Variants in CSMD1 observed in about 807,000 individuals in gnomAD.
CSMD1 encodes the protein CUB and Sushi multiple domains 1.
In CSMD1, 213 loss-of-function variants were observed where a neutral mutation model predicts 417.5. That is an observed-to-expected ratio of 0.51 (90% CI 0.46 to 0.57). CSMD1 has a LOEUF of 0.57. Ranked by LOEUF, CSMD1 falls within the 20% of genes least tolerant of loss-of-function variation. CSMD1 has a pLI of 0.00. For missense variants in CSMD1, 6,923 were observed against 4,529.7 expected (o/e 1.53, Z -15.17); for synonymous variants, 2,862 against 1,736.8 (o/e 1.65, Z -16.11).
At chr8:3,695,723 TGGAA>T (rs1250109520) in intron 7 of CSMD1, among the ~76,000 whole-genome samples, 1 of 152,198 alleles carries the variant, frequency 6.6e-6, no homozygotes, top group Non-Finnish European at 1.5e-5. Flanking sequence ...GCAGTTTGGC[TGGAA>T]GGAAGGATGA....
chr8:2,966,841 A>C (rs1488575716), intron 57 of CSMD1, 95 bp from the exon 58 acceptor site: 27 of 1,131,242 alleles, frequency 2.4e-5, no homozygotes, highest in Non-Finnish European at 3.4e-5. Context: ...GCAATAGACT[A>C]CACATTTATT....
chr8:4,609,323 C>A (rs975260256), intron 2 of CSMD1, among the ~76,000 whole-genome samples: 1 of 152,116 alleles, frequency 6.6e-6, no homozygotes, highest in East Asian at 1.9e-4. Flanking sequence ...ATTGCTGGAG[C>A]CTGGGAGGCA....
At chr8:3,283,448 T>C (rs536823843) in intron 26 of CSMD1, among the ~76,000 whole-genome samples, 142 of 152,274 alleles carry the variant, frequency 9.3e-4, no homozygotes, top group African/African-American at 3.4e-3. Flanking sequence ...CGTTTTTTTT[T>C]TTATGTAACT....
intron 3 of CSMD1, among the ~76,000 whole-genome samples, chr8:4,196,441 G>A (rs909907367): frequency 2.0e-5 from 3 of 152,094 alleles, no homozygotes; most frequent in Non-Finnish European, 4.4e-5. Flanking sequence ...CCTTTCTGAA[G>A]CCTCTTAGGG....
At chr8:3,486,796 G>A (rs1486148481) in intron 11 of CSMD1, among the ~76,000 whole-genome samples, 3 of 152,204 alleles carry the variant, frequency 2.0e-5, no homozygotes, top group Non-Finnish European at 2.9e-5. Flanking sequence ...TAGCTCCACT[G>A]CAGCTGCTAG....
chr8:4,295,924 C>G (rs1460072705), intron 3 of CSMD1, among the ~76,000 whole-genome samples: 2 of 151,516 alleles, frequency 1.3e-5, no homozygotes, highest in East Asian at 1.9e-4. Flanking sequence ...ACTCCCATCT[C>G]AGGAACACAG....
chr8:3,290,489 C>CTT (rs1803467984), intron 25 of CSMD1, among the ~76,000 whole-genome samples: 2 of 16,802 alleles, frequency 1.2e-4, no homozygotes, highest in South Asian at 3.2e-3. Flanking sequence ...TGTTTGTATC[C>CTT]TTTTATTTCC....
rs146018077 is a variant in CSMD1 at position 4,027,282 on chromosome 8, T to C, written c.610+4623A>G. ...GAAATGTTAGGATGAAGATGGATGT[T>C]AGGAGAGAGTGAGTCAGGAGTAGAA... is the stretch of plus-strand genomic sequence containing the variant. On this transcript the variant is annotated intron_variant, in intron 4 of 69. Coordinates refer to ENST00000635120, the MANE Select transcript of CSMD1 (RefSeq NM_033225.6). Among the ~76,000 whole-genome samples the C allele has an allele frequency of 2.7e-3, 405 of 152,258 alleles. 1 individual carries two copies. The highest frequency in any genetic ancestry group is 9.5e-3 in the African/African-American group (394 of 41,546).
chr8:4,411,394 T>G (rs546305760), intron 3 of CSMD1, among the ~76,000 whole-genome samples: 1 of 152,288 alleles, frequency 6.6e-6, no homozygotes, highest in East Asian at 1.9e-4. Context: ...GTGCTGGTCT[T>G]AGAATTCATT....
chr8:3,726,173 C>T (rs1052467387), intron 6 of CSMD1, among the ~76,000 whole-genome samples: 10 of 152,216 alleles, frequency 6.6e-5, no homozygotes, highest in African/African-American at 9.6e-5. Flanking sequence ...AATCTCCACA[C>T]GAATCAGCTC....
Position 4,125,651 on chromosome 8 carries a change from A to G in CSMD1, c.416-93552T>C, listed in dbSNP as rs560084311. ...ACAGAAATCAGACCTAACCAACTCT[A>G]TGTTGCTTCTAACCTTTAAGTTGTC... On this transcript the variant is annotated intron_variant, in intron 3 of 69. Transcript: ENST00000635120. Among the ~76,000 whole-genome samples the G allele has an allele frequency of 4.6e-5, 7 of 152,282 alleles. No homozygotes were observed. The South Asian group carries it at 1.2e-3, about 27-fold the overall frequency.
chr8:3,142,787 G>T, intron 40 of CSMD1, 113 bp from the exon 41 acceptor site: 2 of 921,828 alleles, frequency 2.2e-6, no homozygotes, highest in Non-Finnish European at 3.5e-6. Context: ...CTCTCTGTGA[G>T]ACAGAACCAT....
At chr8:3,847,336 G>C (rs1331254262) in intron 5 of CSMD1, among the ~76,000 whole-genome samples, 2 of 152,158 alleles carry the variant, frequency 1.3e-5, no homozygotes, top group Non-Finnish European at 2.9e-5. Context: ...ACCCTTAAAA[G>C]TGTTCCAAGT....
intron 12 of CSMD1, among the ~76,000 whole-genome samples, chr8:3,446,200 C>T (rs765397006): frequency 6.6e-6 from 1 of 152,164 alleles, no homozygotes; most frequent in South Asian, 2.1e-4. Flanking sequence ...AGAAAAAAAT[C>T]GTGAATGCAC....
At chr8:3,523,931 G>A (rs546267569) in intron 10 of CSMD1, among the ~76,000 whole-genome samples, 3 of 139,232 alleles carry the variant, frequency 2.2e-5, no homozygotes, top group Admixed American at 1.4e-4. Flanking sequence ...ACATATGCAT[G>A]CACACTCAGA....
chr8:4,743,925 AAACCAC>A (rs1230645438), intron 1 of CSMD1, among the ~76,000 whole-genome samples: 1 of 152,196 alleles, frequency 6.6e-6, no homozygotes, highest in Non-Finnish European at 1.5e-5. Context: ...AGAAGTTTAT[AAACCAC>A]AGCACTTTCT....
intron 12 of CSMD1, among the ~76,000 whole-genome samples, chr8:3,442,920 T>G (rs1815084087): frequency 6.6e-6 from 1 of 152,228 alleles, no homozygotes; most frequent in Non-Finnish European, 1.5e-5. Flanking sequence ...ATCTATTTTC[T>G]GAGTATGTGT....
chr8:4,674,464 G>C (rs1018009893), intron 1 of CSMD1, among the ~76,000 whole-genome samples: 1 of 152,120 alleles, frequency 6.6e-6, no homozygotes, highest in African/African-American at 2.4e-5. Context: ...TGGCAGAGGA[G>C]GCTGTGTGTA....
At chr8:4,904,168 C>A (rs540113941) in intron 1 of CSMD1, among the ~76,000 whole-genome samples, 1 of 152,238 alleles carries the variant, frequency 6.6e-6, no homozygotes, top group African/African-American at 2.4e-5. Flanking sequence ...GTTCTACCTT[C>A]TTCAAATCTC....
Sources: allele counts gnomAD v4.1 joint callset (sites outside exome capture counted in the v4.1 genomes callset), GRCh38; gene constraint gnomAD v4.1.1; transcripts MANE v1.5; gene names NCBI Gene and HGNC (gene_info 2026-07-23, HGNC 2026-07-21).